The following PRKN variants were observed in gnomAD, a reference collection of about 807,000 sequenced individuals.
PRKN encodes the protein E3 ubiquitin-protein ligase parkin.
PRKN carries 56 observed loss-of-function variants against 59.5 expected under a neutral mutation model. The ratio of observed to expected loss-of-function variants is 0.94; its 90% CI spans 0.76 to 1.18. The LOEUF (loss-of-function observed/expected upper bound fraction) is 1.18. Ranked by LOEUF, PRKN falls within the 50% of genes most tolerant of loss-of-function variation. PRKN has a pLI of 0.00. For missense variants in PRKN, 657 were observed against 596.4 expected, an observed-to-expected ratio of 1.10 and a Z score of -1.06; for synonymous variants, 250 against 222.1, an observed-to-expected ratio of 1.13 and a Z score of -1.12.
At chr6:162,005,144 T>A (rs188366163) in intron 5 of PRKN, among the ~76,000 whole-genome samples, 1 of 152,310 alleles carries the variant, frequency 6.6e-6, no homozygotes, top group East Asian at 1.9e-4. Context: ...TTAAATAAGT[T>A]AGTACAATTA....
chr6:162,686,982 T>C (rs533830942), intron 1 of PRKN, among the ~76,000 whole-genome samples: 27 of 152,206 alleles, frequency 1.8e-4, no homozygotes, highest in East Asian at 5.8e-4. Flanking sequence ...GTTGTTGTTG[T>C]TTTGTTTTGC....
chr6:162,005,570 A>G (rs1782217872), intron 5 of PRKN, among the ~76,000 whole-genome samples: 1 of 150,770 alleles, frequency 6.6e-6, no homozygotes, highest in Admixed American at 6.6e-5. Flanking sequence ...AAGGAATGAA[A>G]CTCTTGAGCC....
intron 1 of PRKN, among the ~76,000 whole-genome samples, chr6:162,682,391 T>C (rs1779804500): frequency 6.6e-6 from 1 of 152,010 alleles, no homozygotes; most frequent in East Asian, 1.9e-4. Flanking sequence ...ATAAAGAAAA[T>C]GTGGCACATA....
rs777801875 is a variant in PRKN at position 162,054,193 on chromosome 6, A to C, written c.535-19T>G. ...ATGGACCCTTTGGGAAAAAACAACA[A>C]TATATGCTTATATGAGTTATAATAG... On this transcript the variant is annotated intron_variant, in intron 4 of 11. Transcript: ENST00000366898. The C allele has an allele frequency of 2.2e-6, 3 of 1,369,104 alleles. No individual in the cohort carries two copies. Among genetic ancestry groups the C allele is most frequent in the Admixed American group, 3.3e-5 (2 of 59,708 alleles). 84.8% of individuals were successfully genotyped at this position (1,369,104 alleles called of 1,614,324 possible).
intron 1 of PRKN, among the ~76,000 whole-genome samples, chr6:162,702,439 T>C (rs564233343): frequency 1.3e-3 from 193 of 152,256 alleles, no homozygotes; most frequent in African/African-American, 4.5e-3. Context: ...AAAGCTTCCA[T>C]TAAACAAAAC....
At chr6:161,957,912 C>T (rs1319124149) in intron 6 of PRKN, among the ~76,000 whole-genome samples, 1 of 152,198 alleles carries the variant, frequency 6.6e-6, no homozygotes, top group African/African-American at 2.4e-5. Flanking sequence ...TCAATTTAAC[C>T]ATCTCTCTTG....
At chr6:161,979,617 T>C (rs1781185911) in intron 5 of PRKN, among the ~76,000 whole-genome samples, 1 of 152,168 alleles carries the variant, frequency 6.6e-6, no homozygotes, top group Non-Finnish European at 1.5e-5. Flanking sequence ...CCAACAAAGT[T>C]GTATTCCTCA....
rs774842831 is a variant in PRKN, at chr6:161,446,538, T to C, written c.1084-59661A>G. On this transcript the variant is annotated intron_variant, in intron 9 of 11. Transcript: ENST00000366898. The surrounding 1 kb of genome is among the most constrained non-coding windows in gnomAD (Gnocchi z 6.2). ...CATAAAAGGAGTAGGATGTTTGTGA[T>C]GGCTGAGCGTCATGGAGGAATTCAT... Among the ~76,000 whole-genome samples, 2 of 152,322 alleles carry C rather than the reference T, an allele frequency of 1.3e-5. No homozygotes were observed. The highest frequency in any genetic ancestry group is 2.9e-5 in the Non-Finnish European group (2 of 68,030).
chr6:161,875,833 A>G (rs768560599), intron 6 of PRKN, among the ~76,000 whole-genome samples: 15 of 152,232 alleles, frequency 9.9e-5, no homozygotes, highest in South Asian at 6.3e-4. Context: ...CTCATGTCCT[A>G]TGATCCTCCC....
chr6:161,829,001 T>C (rs887378816), intron 6 of PRKN, among the ~76,000 whole-genome samples: 5 of 148,976 alleles, frequency 3.4e-5, no homozygotes. Context: ...CCAAGGTGGG[T>C]GGATCCCTTG....
intron 1 of PRKN, among the ~76,000 whole-genome samples, chr6:162,523,428 C>T (rs1335504957): frequency 6.6e-6 from 1 of 151,854 alleles, no homozygotes; most frequent in African/African-American, 2.4e-5. Context: ...TTTGGGAGGC[C>T]GAAGTGGGTG....
chr6:162,472,389 C>G (rs1791792327), intron 1 of PRKN, among the ~76,000 whole-genome samples: 1 of 141,276 alleles, frequency 7.1e-6, no homozygotes, highest in Non-Finnish European at 1.5e-5. Context: ...ATGTTCCCCA[C>G]TCTGTGTCCA....
Position 161,573,746 on chromosome 6 carries a change from AAAAAAAAAAATATATATAT to A in PRKN, c.872-4349_872-4331del, listed in dbSNP as rs1562534858. ...AAAAAAAAAAAAAAAAAAAAAAAAA[AAAAAAAAAAATATATATAT>A]ATATATATATATATATATATATATA... On this transcript the variant is annotated intron_variant, in intron 7 of 11. Transcript: ENST00000366898. 3.8e-4 allele frequency among the ~76,000 whole-genome samples: 15 copies of A among 39,372 alleles called. No individual in the cohort carries two copies. In the South Asian group the frequency reaches 0.01, roughly 26 times the overall value. The allele number at this position is 39,372 out of a possible 152,430, so 25.8% of individuals were successfully genotyped here. A position where few individuals can be genotyped will look rare whatever the true frequency, so the allele number is the denominator to read the frequency against.
At chr6:161,905,033 A>C (rs1333780609) in intron 6 of PRKN, among the ~76,000 whole-genome samples, 1 of 152,152 alleles carries the variant, frequency 6.6e-6, no homozygotes, top group Non-Finnish European at 1.5e-5. Context: ...CCATCTGCGA[A>C]GTTTGGTCCC....
At chr6:161,964,275 T>C (rs1780494866) in intron 6 of PRKN, among the ~76,000 whole-genome samples, 1 of 152,042 alleles carries the variant, frequency 6.6e-6, no homozygotes, top group South Asian at 2.1e-4. Flanking sequence ...TTTAAATCAA[T>C]GTAGCTAAAA....
At chr6:162,387,203 A>T (rs1454098706) in intron 2 of PRKN, among the ~76,000 whole-genome samples, 1 of 149,910 alleles carries the variant, frequency 6.7e-6, no homozygotes. Flanking sequence ...AGAATTGAAA[A>T]TCCAGTAATT....
chr6:162,336,663 A>G (rs1661922661), intron 2 of PRKN, among the ~76,000 whole-genome samples: 1 of 152,246 alleles, frequency 6.6e-6, no homozygotes. Context: ...CTAGCTCAAC[A>G]CTTATTCTCA....
intron 7 of PRKN, among the ~76,000 whole-genome samples, chr6:161,742,090 C>T (rs916684876): frequency 2.0e-5 from 3 of 152,166 alleles, no homozygotes; most frequent in African/African-American, 7.2e-5. Flanking sequence ...CTGCCTCAGC[C>T]TCCTGAGTAC....
chr6:161,978,310 A>G (rs567616872), intron 5 of PRKN, among the ~76,000 whole-genome samples: 69 of 152,286 alleles, frequency 4.5e-4, no homozygotes, highest in Non-Finnish European at 8.2e-4. Context: ...TCGGCCTCCC[A>G]AAGTGCTGGG....
Sources: allele counts gnomAD v4.1 joint callset (sites outside exome capture counted in the v4.1 genomes callset), GRCh38; gene constraint gnomAD v4.1.1; non-coding constraint Gnocchi (gnomAD v3.1); transcripts MANE v1.5; gene names NCBI Gene and HGNC (gene_info 2026-07-23, HGNC 2026-07-21).